The following PCDHGA2 variants were observed in gnomAD, a reference collection of about 807,000 sequenced individuals.
PCDHGA2 encodes protocadherin gamma-A2.
A neutral mutation model predicts 59.2 loss-of-function variants in PCDHGA2; 40 were observed. The observed-to-expected ratio is 0.68, with a 90% CI of 0.52 to 0.88. The LOEUF (loss-of-function observed/expected upper bound fraction) is 0.88. PCDHGA2 is among the 40% of genes least tolerant of loss of function. The probability of loss-of-function intolerance (pLI) is 0.00; values close to 1 mark genes in which losing one functional copy is unlikely to be tolerated. For synonymous variants in PCDHGA2, 560 were observed against 526.0 expected (o/e 1.06, Z -0.89); for missense variants, 1,226 against 1,204.0 (o/e 1.02, Z -0.27).
intron 1 of PCDHGA2, chr5:141,408,696 A>G (rs768439069): frequency 6.2e-7 from 1 of 1,613,648 alleles, no homozygotes; most frequent in East Asian, 2.2e-5. Context: ...ATAAACATAA[A>G]CTCAATTAAA....
rs774505854 is a variant in PCDHGA2 at position 141,490,507 on chromosome 5, G to A, written c.2425-4300G>A. The A allele has an allele frequency of 5.6e-6, 9 of 1,613,898 alleles. No individual in the cohort carries two copies. The highest frequency in any genetic ancestry group is 4.0e-5 in the African/African-American group (3 of 74,868). ...GGAGGCCACATCCCACTATATCATC[G>A]AGCTGCTGGCCAGCGATGCTGGTTC... On this transcript the variant is annotated intron_variant, in intron 1 of 3. Transcript: ENST00000394576. This position sits in a 1 kb window ranked among gnomAD's most constrained non-coding sequence, Gnocchi z 5.4.
intron 1 of PCDHGA2, among the ~76,000 whole-genome samples, chr5:141,447,644 G>A (rs1212910845): frequency 1.3e-5 from 2 of 152,146 alleles, no homozygotes; most frequent in Admixed American, 1.3e-4. Context: ...AATGATGGTA[G>A]AATTTTCCCC....
At chr5:141,360,274 G>T (rs1171208146) in intron 1 of PCDHGA2, 9 of 1,613,806 alleles carry the variant, frequency 5.6e-6, no homozygotes, top group Non-Finnish European at 5.9e-6. Context: ...AAACTCGGTC[G>T]TAGGAAACCT....
rs550738928 is a variant in PCDHGA2 at position 141,352,537 on chromosome 5, A to G, written c.2424+11142A>G. On this transcript the variant is annotated intron_variant, in intron 1 of 3. Transcript: ENST00000394576. ...GTATTGCCTCTCATTCTGCAAAGAC[A>G]GAGTTTAATTCTCTCAACCTGACAC... 1.0e-4 allele frequency: 161 copies of G among 1,613,994 alleles called. No homozygotes were observed. In the African/African-American group the frequency reaches 1.9e-3, roughly 19 times the overall value.
intron 1 of PCDHGA2, chr5:141,362,520 C>T (rs201116803): frequency 1.3e-4 from 210 of 1,613,870 alleles, no homozygotes; most frequent in Non-Finnish European, 1.7e-4. Context: ...ATCATGGAGC[C>T]GCTGGGGTCC....
At chr5:141,361,113 T>C (rs773447927) in intron 1 of PCDHGA2, 2 of 1,613,996 alleles carry the variant, frequency 1.2e-6, no homozygotes, top group East Asian at 2.2e-5. Flanking sequence ...ATCCTGGAGA[T>C]CTAGCAGCCC....
chr5:141,393,057 G>A lies in PCDHGA2; in HGVS notation c.2424+51662G>A, dbSNP rs1273747847. On this transcript the variant is annotated intron_variant, in intron 1 of 3. Transcript: ENST00000394576. ...GCTCTTTGCTCTGAACCCGCGCAGC[G>A]GCAGCTTGATCACCGCGGGCAGGAT... 6 of 1,613,514 alleles carry A rather than the reference G, an allele frequency of 3.7e-6. No homozygotes were observed. The African/African-American group carries it at 4.0e-5, about 11-fold the overall frequency.
chr5:141,485,278 C>T lies in PCDHGA2; in HGVS notation c.2425-9529C>T. On this transcript the variant is annotated intron_variant, in intron 1 of 3. Transcript: ENST00000394576. The surrounding 1 kb of genome is among the most constrained non-coding windows in gnomAD (Gnocchi z 5.7). ...TTTGTGGGCAGATCCGCTACCCGGTCCCAGAGGAGTCACAGGAAGGGACTT... is the reference window on the plus strand; with the variant it reads ...TTTGTGGGCAGATCCGCTACCCGGTTCCAGAGGAGTCACAGGAAGGGACTT... 1 of 1,614,064 alleles carries T rather than the reference C, an allele frequency of 6.2e-7. No homozygotes were observed. The highest frequency in any genetic ancestry group is 1.1e-5 in the South Asian group (1 of 91,080).
In PCDHGA2 at chr5:141,477,798, A is replaced by G; in HGVS notation, c.2425-17009A>G. On this transcript the variant is annotated intron_variant, in intron 1 of 3. Transcript: ENST00000394576. The surrounding 1 kb of genome is among the most constrained non-coding windows in gnomAD (Gnocchi z 4.9). ...GTGAACATATTTGTCACTGATCGCA[A>G]TGACAATGCCCCCCAGGTCCTATAT... The G allele has an allele frequency of 6.2e-7, 1 of 1,614,140 alleles. No homozygotes were observed. The highest frequency in any genetic ancestry group is 8.5e-7 in the Non-Finnish European group (1 of 1,180,038).
At chr5:141,492,256 A>G (rs1323720621) in intron 1 of PCDHGA2, among the ~76,000 whole-genome samples, 1 of 151,974 alleles carries the variant, frequency 6.6e-6, no homozygotes, top group Non-Finnish European at 1.5e-5. Context: ...CGGCCCACAC[A>G]AGTTGCACGG....
At chr5:141,420,469 T>C in intron 1 of PCDHGA2, 1 of 724,306 alleles carries the variant, frequency 1.4e-6, no homozygotes. Flanking sequence ...AAAGACATTT[T>C]AAAGCAAACT....
rs1418195492 is a variant in PCDHGA2 at position 141,431,459 on chromosome 5, G to T, written c.2425-63348G>T. 4 of 1,613,692 alleles carry T rather than the reference G, an allele frequency of 2.5e-6. No homozygotes were observed. The highest frequency in any genetic ancestry group is 3.4e-6 in the Non-Finnish European group (4 of 1,179,994). Reference sequence around the variant, plus strand: ...CGCGCGCATCCGCGTGATGGTTCTGGATGCGAACGACAACGCACCAGCGTT... The same window carrying T: ...CGCGCGCATCCGCGTGATGGTTCTGTATGCGAACGACAACGCACCAGCGTT... On this transcript the variant is annotated intron_variant, in intron 1 of 3. Transcript: ENST00000394576. This position sits in a 1 kb window ranked among gnomAD's most constrained non-coding sequence, Gnocchi z 4.8.
intron 1 of PCDHGA2, among the ~76,000 whole-genome samples, chr5:141,459,575 G>T (rs2098970751): frequency 1.3e-5 from 2 of 152,132 alleles, no homozygotes; most frequent in Admixed American, 6.5e-5. Context: ...AAACAGAATT[G>T]TTTTGGGGGT....
chr5:141,443,317 CA>C (rs35054295), intron 1 of PCDHGA2, among the ~76,000 whole-genome samples: 28 of 142,048 alleles, frequency 2.0e-4, no homozygotes, highest in Non-Finnish European at 2.6e-4. Flanking sequence ...CCCATCTCTA[CA>C]AAAAAAAAAA....
At chr5:141,413,454 G>A (rs765318722) in intron 1 of PCDHGA2, 46 of 1,614,026 alleles carry the variant, frequency 2.9e-5, no homozygotes, top group Non-Finnish European at 3.7e-5. Flanking sequence ...CCGCGGGCAG[G>A]ATAGACCGGG....
At position 141,471,885 on chromosome 5, in the gene PCDHGA2, A is replaced by G. The variant is rs180968509; in HGVS notation, c.2425-22922A>G. ...ACTGTGGTTGCCTGAGGCTGAAGCT[A>G]GGAAGATTGACTACAGACAAGCATG... On this transcript the variant is annotated intron_variant, in intron 1 of 3. Transcript: ENST00000394576. Among the ~76,000 whole-genome samples the G allele has an allele frequency of 1.9e-3, 294 of 152,338 alleles. 1 individual carries two copies. Among genetic ancestry groups the G allele is most frequent in the Middle Eastern group, 0.017 (5 of 294 alleles).
chr5:141,423,573 C>G, intron 1 of PCDHGA2: 1 of 1,613,488 alleles, frequency 6.2e-7, no homozygotes, highest in South Asian at 1.1e-5. Context: ...CGCTCATCAG[C>G]CAGGAGAGCT....
chr5:141,464,138 G>A (rs62379197), intron 1 of PCDHGA2, among the ~76,000 whole-genome samples: 42,814 of 151,688 alleles, frequency 0.28, 6,814 homozygotes, highest in African/African-American at 0.44. Context: ...GGTGGTGGGC[G>A]CCTGTAGTCC....
intron 1 of PCDHGA2, among the ~76,000 whole-genome samples, chr5:141,359,677 A>G (rs1169406824): frequency 6.6e-6 from 1 of 152,110 alleles, no homozygotes; most frequent in Non-Finnish European, 1.5e-5. Flanking sequence ...CCGTTGCCCT[A>G]TACAAGACAT....
Sources: gnomAD v4.1 joint callset for allele counts (sites outside exome capture counted in the v4.1 genomes callset) on GRCh38, gnomAD v4.1.1 for gene constraint, Gnocchi (gnomAD v3.1) non-coding constraint, MANE v1.5 for transcripts, NCBI Gene and HGNC (gene_info 2026-07-23, HGNC 2026-07-21) for gene names.